Variants in TFRC observed in about 807,000 individuals in gnomAD.
TFRC encodes transferrin receptor.
In TFRC, 35 loss-of-function variants were observed where a neutral mutation model predicts 85.8. The ratio of observed to expected loss-of-function variants is 0.41; its 90% confidence interval spans 0.31 to 0.54. TFRC has a LOEUF of 0.54. Among genes scored for constraint, TFRC ranks in the 20% least tolerant of loss-of-function variants. The pLI, the probability that TFRC is intolerant of heterozygous loss-of-function variation, is 0.31. For synonymous variants in TFRC, 362 were observed against 328.6 expected, an observed-to-expected ratio of 1.10 and a Z score of -1.10; for missense variants, 828 against 921.5, an observed-to-expected ratio of 0.90 and a Z score of 1.31.
chr3:196,055,504 G>C, intron 16 of TFRC: 6 of 595,746 alleles, frequency 1.0e-5, no homozygotes, highest in Non-Finnish European at 1.8e-5. Flanking sequence ...CCTACTCCTA[G>C]AGTGACTACT....
intron 1 of TFRC, among the ~76,000 whole-genome samples, 193 bp from the exon 2 acceptor site, chr3:196,077,315 CT>C (rs1164315512): frequency 1.3e-5 from 2 of 151,456 alleles, no homozygotes; most frequent in Non-Finnish European, 2.9e-5. Flanking sequence ...ATACATAATT[CT>C]TTTTTTTTCT....
In TFRC at chr3:196,052,103, T is replaced by C. The variant is rs750652038; in HGVS notation, c.2122A>G (p.Thr708Ala). 4 of 1,614,094 alleles carry C rather than the reference T, an allele frequency of 2.5e-6. No homozygotes were observed. In the Admixed American group the frequency reaches 6.7e-5, roughly 27 times the overall value. The change falls in exon 19 of 19, where the codon ACG becomes GCG. Residue 708 changes from threonine to alanine, a missense_variant. Thr to Ala is a moderately conservative substitution (Grantham distance 58). Coordinates refer to ENST00000360110, the MANE Select transcript of TFRC (RefSeq NM_001128148.3). ...AAGTTCTCCAGTAAAGCTGGCAGCG[T>C]GTGAGAGCCGGAGCCCCAGAAGACA... is the stretch of plus-strand genomic sequence containing the variant. ...RHVFWGSGSHTLPALLENLKL... is the reference protein window; with the variant it reads ...RHVFWGSGSHALPALLENLKL...
chr3:196,071,269 T>C lies in TFRC; in HGVS notation c.687+127A>G, dbSNP rs534295969. The C allele has an allele frequency of 1.6e-5, 14 of 858,824 alleles. No individual in the cohort carries two copies. In the South Asian group the frequency reaches 1.7e-4, roughly 10 times the overall value. 53.2% of individuals were successfully genotyped at this position (858,824 alleles called of 1,614,324 possible). Reference sequence around the variant, plus strand: ...GCATGTTGACTGTGTCATTAGAGGGTTGAAAACCAAAATATCTCATGATCA... The same window carrying C: ...GCATGTTGACTGTGTCATTAGAGGGCTGAAAACCAAAATATCTCATGATCA... On this transcript the variant is annotated intron_variant, in intron 6 of 18. Coordinates refer to ENST00000360110, the MANE Select transcript of TFRC (RefSeq NM_001128148.3).
intron 7 of TFRC, among the ~76,000 whole-genome samples, chr3:196,068,595 AG>A (rs1717924485): frequency 8.5e-6 from 1 of 117,906 alleles, no homozygotes; most frequent in South Asian, 3.0e-4. Flanking sequence ...TGGACAAAAG[AG>A]CAAAACTCCC....
intron 16 of TFRC, among the ~76,000 whole-genome samples, chr3:196,056,205 AT>A (rs922426086): frequency 1.3e-5 from 2 of 152,120 alleles, no homozygotes; most frequent in African/African-American, 4.8e-5. Context: ...AATTTAAAAA[AT>A]TTTTTGTAGA....
chr3:196,074,053 G>A lies in TFRC; in HGVS notation c.311C>T (p.Thr104Ile). ...TGGCTCCTCCCTCACTGGAGACTCGGTTCCTGCCAGTCTCTCACACTCAGT... is the reference window on the plus strand; with the variant it reads ...TGGCTCCTCCCTCACTGGAGACTCGATTCCTGCCAGTCTCTCACACTCAGT... ...PKTECERLAG[T>I]ESPVREEPGE... The change falls in exon 4 of 19, where the codon ACC (threonine) becomes ATC (isoleucine). Residue 104 changes from threonine to isoleucine, a missense_variant. Thr to Ile is a moderately conservative substitution (Grantham distance 89). Coordinates refer to ENST00000360110, the MANE Select transcript of TFRC (RefSeq NM_001128148.3). 6.2e-7 allele frequency: 1 copy of A among 1,614,088 alleles called. No homozygotes were observed. The highest frequency in any genetic ancestry group is 8.5e-7 in the Non-Finnish European group (1 of 1,180,032).
Position 196,065,462 on chromosome 3 carries a change from A to C in TFRC, c.1179T>G (p.Ile393Met), listed in dbSNP as rs1490190618. 1.4e-6 allele frequency: 2 copies of C among 1,467,878 alleles called. No homozygotes were observed. The highest frequency in any genetic ancestry group is 2.9e-5 in the African/African-American group (2 of 68,156). The allele number at this position is 1,467,878 out of a possible 1,614,324, so 90.9% of individuals were successfully genotyped here. ...EIKILNIFGV[I>M]KGFVEPDHYV... is the part of the protein sequence containing the mutation. ...CTTTACCTGGTTCTACAAAGCCTTT[A>C]ATAACTCCAAAGATGTTAAGAATTT... The change falls in exon 10 of 19, where the codon ATT (isoleucine) becomes ATG (methionine). Residue 393 changes from isoleucine to methionine, a missense_variant. Transcript: ENST00000360110.
rs751321499 is a variant in TFRC at position 196,077,064 on chromosome 3, C to G, written c.36G>C (p.Leu12Phe). The G allele has an allele frequency of 1.9e-5, 30 of 1,613,368 alleles. No individual in the cohort carries two copies. Among genetic ancestry groups the G allele is most frequent in the Non-Finnish European group, 8.5e-7 (1 of 1,179,630 alleles). Residue 12 changes from leucine to phenylalanine, a missense_variant and splice_region_variant, in exon 2 of 19, where the codon TTG becomes TTC. Coordinates refer to ENST00000360110, the MANE Select transcript of TFRC (RefSeq NM_001128148.3). ...AGAAATACAACTGAAAATATCTTACCAAGTTAGAGAATGCTGATCTAGCTT... is the reference window on the plus strand; with the variant it reads ...AGAAATACAACTGAAAATATCTTACGAAGTTAGAGAATGCTGATCTAGCTT... ...MDQARSAFSN[L>F]FGGEPLSYTR...
intron 7 of TFRC, 143 bp downstream of exon 7, chr3:196,069,312 C>T (rs1717997829): frequency 1.7e-6 from 1 of 596,284 alleles, no homozygotes; most frequent in Admixed American, 3.4e-5. Flanking sequence ...ATTTGTTGAG[C>T]ATTTTAATAA....
intron 3 of TFRC, 123 bp from the exon 4 acceptor site, chr3:196,074,248 A>G: frequency 1.1e-6 from 1 of 880,018 alleles, no homozygotes; most frequent in Non-Finnish European, 1.7e-6. Flanking sequence ...AAGTAGTTTT[A>G]AAGTATATAA....
At chr3:196,057,819 A>C (rs1716940569) in intron 16 of TFRC, 1 of 152,158 alleles carries the variant, frequency 6.6e-6, no homozygotes, top group African/African-American at 2.4e-5. Flanking sequence ...AACAAACAAA[A>C]AAAACCCAAC....
intron 1 of TFRC, among the ~76,000 whole-genome samples, chr3:196,081,098 C>T (rs1719132169): frequency 6.6e-6 from 1 of 152,214 alleles, no homozygotes; most frequent in African/African-American, 2.4e-5. Context: ...CCCTCCCAAC[C>T]TTAAAAGAAC....
At chr3:196,077,644 C>T (rs41300425) in intron 1 of TFRC, among the ~76,000 whole-genome samples, 185 of 151,952 alleles carry the variant, frequency 1.2e-3, no homozygotes, top group African/African-American at 4.2e-3. Context: ...CCCAGCCACT[C>T]GGGAGCCTGA....
chr3:196,081,370 A>T (rs1330242705), intron 1 of TFRC, among the ~76,000 whole-genome samples: 1 of 152,270 alleles, frequency 6.6e-6, no homozygotes, highest in East Asian at 1.9e-4. Context: ...CCGAAGGGTA[A>T]GTTTACAGAA....
rs770886917 is a variant in TFRC at position 196,065,481 on chromosome 3, A to C, written c.1160T>G (p.Leu387Arg). Residue 387 changes from leucine to arginine, a missense_variant, in exon 10 of 19, where the codon CTT becomes CGT. Physicochemically the swap from Leu to Arg is moderately radical, Grantham distance 102 (BLOSUM62 -2). Transcript: ENST00000360110. ...VSNVLKEIKI[L>R]NIFGVIKGFV... The stretch of plus-strand genomic sequence containing the variant: ...GCCTTTAATAACTCCAAAGATGTTA[A>C]GAATTTTTATCTCTTTCAGCACATT... 1.3e-6 allele frequency: 2 copies of C among 1,560,094 alleles called. No individual in the cohort carries two copies. The highest frequency in any genetic ancestry group is 2.8e-5 in the African/African-American group (2 of 72,678).
In TFRC at chr3:196,062,866, A is replaced by C. The variant is rs778442373; in HGVS notation, c.1392T>G (p.Thr464=). ...TGATAAAGAATACCTCTAGCCATTC[A>C]GTGGCACCAACCGATCCAAAGTCTC... is the stretch of plus-strand genomic sequence containing the variant. ...SAGDFGSVGA[T]EWLEGYLSSL... Residue 464 remains threonine (T), a synonymous_variant, in exon 12 of 19, where the codon ACT becomes ACG. Transcript: ENST00000360110. 6.2e-7 allele frequency: 1 copy of C among 1,614,152 alleles called. No homozygotes were observed. Among genetic ancestry groups the C allele is most frequent in the South Asian group, 1.1e-5 (1 of 91,084 alleles).
chr3:196,078,756 C>T (rs1718916539), intron 1 of TFRC, among the ~76,000 whole-genome samples: 2 of 151,998 alleles, frequency 1.3e-5, no homozygotes, highest in South Asian at 4.1e-4. Flanking sequence ...ATGCAATAGA[C>T]CATATTCTTA....
At chr3:196,062,710 G>A in intron 12 of TFRC, 65 bp from the exon 13 acceptor site, 2 of 1,557,302 alleles carry the variant, frequency 1.3e-6, no homozygotes, top group Non-Finnish European at 1.8e-6. Flanking sequence ...AGTAGCATTA[G>A]GGATTCATTT....
intron 13 of TFRC, chr3:196,062,243 C>T: frequency 4.2e-6 from 1 of 240,112 alleles, no homozygotes; most frequent in Non-Finnish European, 8.0e-6. Flanking sequence ...CTTTCTTCCA[C>T]TTCAAAGTAG....
Sources: gnomAD v4.1 joint callset for allele counts (sites outside exome capture counted in the v4.1 genomes callset) on GRCh38, gnomAD v4.1.1 for gene constraint, MANE v1.5 for transcripts, NCBI Gene and HGNC (gene_info 2026-07-23, HGNC 2026-07-21) for gene names.